Variants in UNC13C observed in about 807,000 individuals in gnomAD.
UNC13C encodes the protein unc-13 homolog C, also known as protein unc-13 homolog C.
In UNC13C, 174 loss-of-function variants were observed where a neutral mutation model predicts 245.4. The ratio of observed to expected loss-of-function variants is 0.71; its 90% CI spans 0.63 to 0.80. The LOEUF (loss-of-function observed/expected upper bound fraction) is 0.80. Among genes scored for constraint, UNC13C ranks in the 30% least tolerant of loss-of-function variants. The pLI is 0.00. For missense variants in UNC13C, 2,829 were observed against 2,602.9 expected, an observed-to-expected ratio of 1.09 and a Z score of -1.89; for synonymous variants, 992 against 895.1, an observed-to-expected ratio of 1.11 and a Z score of -1.93.
intron 1 of UNC13C, among the ~76,000 whole-genome samples, chr15:53,980,088 A>G (rs2140944583): frequency 6.6e-6 from 1 of 152,266 alleles, no homozygotes; most frequent in South Asian, 2.1e-4. Flanking sequence ...CCACTTTCTT[A>G]TGATTAAAAA....
chr15:54,478,227 TC>T (rs2141056941), intron 19 of UNC13C, among the ~76,000 whole-genome samples: 1 of 150,690 alleles, frequency 6.6e-6, no homozygotes, highest in South Asian at 2.1e-4. Flanking sequence ...TTGCTAGTGG[TC>T]TATCAATTTT....
chr15:54,459,599 G>C (rs969454062), intron 19 of UNC13C, among the ~76,000 whole-genome samples: 1 of 151,448 alleles, frequency 6.6e-6, no homozygotes, highest in Non-Finnish European at 1.5e-5. Context: ...TTTTTCTCTT[G>C]TTTCTTTGTC....
intron 28 of UNC13C, among the ~76,000 whole-genome samples, chr15:54,550,802 A>G (rs961007756): frequency 3.9e-5 from 6 of 152,114 alleles, no homozygotes; most frequent in African/African-American, 1.2e-4. Context: ...TATCCCTTTT[A>G]TTACCTCCCT....
chr15:53,902,441 CAGTT>C, the UNC13C span, among the ~76,000 whole-genome samples: 1 of 152,126 alleles, frequency 6.6e-6, no homozygotes, highest in African/African-American at 2.4e-5. Context: ...AATAACCTAT[CAGTT>C]AGTGATTGCA....
intron 26 of UNC13C, among the ~76,000 whole-genome samples, chr15:54,541,104 G>C (rs1292454331): frequency 6.6e-6 from 1 of 151,752 alleles, no homozygotes; most frequent in Non-Finnish European, 1.5e-5. Flanking sequence ...ATGCCTCAGG[G>C]GTCCCCAACC....
chr15:54,399,975 C>A (rs2040148410), intron 18 of UNC13C, among the ~76,000 whole-genome samples: 1 of 151,894 alleles, frequency 6.6e-6, no homozygotes, highest in South Asian at 2.1e-4. Flanking sequence ...AGTACAGAGA[C>A]TATGCAGTAG....
the UNC13C span, among the ~76,000 whole-genome samples, chr15:53,860,511 T>G: frequency 6.6e-6 from 1 of 152,134 alleles, no homozygotes; most frequent in African/African-American, 2.4e-5. Flanking sequence ...GGTTTCTCAT[T>G]CCATTCTTGG....
At chr15:54,051,457 T>C (rs1402568559) in intron 2 of UNC13C, among the ~76,000 whole-genome samples, 1 of 152,026 alleles carries the variant, frequency 6.6e-6, no homozygotes, top group African/African-American at 2.4e-5. Flanking sequence ...ACTTCCTAAT[T>C]TTTTCCCCAC....
At position 54,549,637 on chromosome 15, in the gene UNC13C, A is replaced by T. The variant is rs138044314; in HGVS notation, c.5823A>T (p.Gly1941=). Reference sequence around the variant, plus strand: ...TCTCACTTTTTCTTTGTTTCTAGGGACCCCAGATGATTTTCATTGCAGCTA... The same window carrying T: ...TCTCACTTTTTCTTTGTTTCTAGGGTCCCCAGATGATTTTCATTGCAGCTA... The part of the protein sequence containing the change: ...IVLPPLTDQT[G]PQMIFIAAKD... Residue 1941 remains glycine, a splice_region_variant and synonymous_variant, in exon 28 of 33, where the codon GGA becomes GGT. Transcript: ENST00000260323. 295 of 1,602,686 alleles carry T rather than the reference A, an allele frequency of 1.8e-4. No individual in the cohort carries two copies. The highest frequency in any genetic ancestry group is 5.6e-4 in the African/African-American group (42 of 74,546).
At chr15:54,175,637 C>T (rs200304486) in intron 4 of UNC13C, among the ~76,000 whole-genome samples, 1 of 151,640 alleles carries the variant, frequency 6.6e-6, no homozygotes, top group Non-Finnish European at 1.5e-5. Context: ...CTCAGCCTCC[C>T]GAGTAGCTGG....
chr15:54,102,442 C>A (rs926123729), intron 2 of UNC13C, among the ~76,000 whole-genome samples: 7 of 152,184 alleles, frequency 4.6e-5, no homozygotes, highest in African/African-American at 1.7e-4. Flanking sequence ...GTACGACATG[C>A]TTGTGTATGT....
At chr15:54,358,569 T>C (rs185658450) in intron 17 of UNC13C, among the ~76,000 whole-genome samples, 1 of 148,738 alleles carries the variant, frequency 6.7e-6, no homozygotes, top group African/African-American at 2.5e-5. Context: ...ATTTTATATT[T>C]TATAACTATT....
chr15:54,509,849 A>C (rs924516430), intron 23 of UNC13C, among the ~76,000 whole-genome samples: 3 of 152,326 alleles, frequency 2.0e-5, no homozygotes, highest in East Asian at 3.9e-4. Flanking sequence ...TTTCAAGGTC[A>C]GGGAACTCTT....
chr15:54,190,737 G>A (rs1282182314), intron 4 of UNC13C, among the ~76,000 whole-genome samples: 2 of 151,814 alleles, frequency 1.3e-5, no homozygotes, highest in African/African-American at 2.4e-5. Flanking sequence ...TTTTGTTTTA[G>A]GTGTGTATTT....
intron 2 of UNC13C, among the ~76,000 whole-genome samples, chr15:54,101,739 C>G (rs1900176044): frequency 6.6e-6 from 1 of 152,048 alleles, no homozygotes; most frequent in Admixed American, 6.6e-5. Context: ...GCACGCACCA[C>G]CGCACCCAGC....
chr15:54,220,889 T>G (rs2035205234), intron 4 of UNC13C, among the ~76,000 whole-genome samples: 1 of 152,036 alleles, frequency 6.6e-6, no homozygotes, highest in Admixed American at 6.6e-5. Flanking sequence ...CATCAAAACC[T>G]GTAGCATAGT....
At chr15:54,457,892 G>GTTTTTTTTTTTTTTTTCTTT (rs34133938) in intron 19 of UNC13C, among the ~76,000 whole-genome samples, 2 of 122,986 alleles carry the variant, frequency 1.6e-5, no homozygotes, top group African/African-American at 3.1e-5. Context: ...TCTGCTTTTC[G>GTTTTTTTTTTTTTTTTCTTT]TTTTTTTTTT....
chr15:53,898,533 A>T, the UNC13C span, among the ~76,000 whole-genome samples: 3 of 152,114 alleles, frequency 2.0e-5, no homozygotes, highest in Non-Finnish European at 2.9e-5. Context: ...GGTTACCCTG[A>T]TCTCTTCTGA....
intron 28 of UNC13C, among the ~76,000 whole-genome samples, chr15:54,553,597 C>T (rs1401650617): frequency 6.7e-6 from 1 of 149,304 alleles, no homozygotes. Context: ...TCTTCAGGAA[C>T]TGGTGATATA....
Sources: gnomAD v4.1 joint callset for allele counts (sites outside exome capture counted in the v4.1 genomes callset) on GRCh38, gnomAD v4.1.1 for gene constraint, MANE v1.5 for transcripts, NCBI Gene and HGNC (gene_info 2026-07-23, HGNC 2026-07-21) for gene names.